The following SMARCA4 variants were observed in gnomAD, a reference collection of about 807,000 sequenced individuals.
SMARCA4 encodes the protein SWI/SNF related BAF chromatin remodeling complex subunit ATPase 4.
Under a neutral mutation model 193.9 loss-of-function variants are expected in SMARCA4, and 31 were observed. The observed-to-expected ratio is 0.16, with a 90% CI of 0.12 to 0.22. The LOEUF is 0.22. Ranked by LOEUF, SMARCA4 falls within the 10% of genes least tolerant of loss-of-function variation. The pLI, the probability that SMARCA4 is intolerant of heterozygous loss-of-function variation, is 1.00. For synonymous variants in SMARCA4, 942 were observed against 933.1 expected (o/e 1.01, Z -0.17); for missense variants, 1,148 against 2,296.0 (o/e 0.50, Z 10.22).
intron 6 of SMARCA4, among the ~76,000 whole-genome samples, 171 bp from the exon 7 acceptor site, chr19:10,989,146 C>T (rs941883862): frequency 9.2e-5 from 14 of 152,242 alleles, no homozygotes; most frequent in East Asian, 1.9e-4. Flanking sequence ...AGGAGTGCCC[C>T]GGGCTATCTC....
At chr19:11,036,849 A>G (rs1312952440) in intron 29 of SMARCA4, among the ~76,000 whole-genome samples, 2 of 152,134 alleles carry the variant, frequency 1.3e-5, no homozygotes, top group African/African-American at 4.8e-5. Flanking sequence ...TTCTGTCCAT[A>G]TAGTTTTACC....
At chr19:11,055,550 G>T (rs1274134675) in intron 30 of SMARCA4, among the ~76,000 whole-genome samples, 2 of 151,952 alleles carry the variant, frequency 1.3e-5, no homozygotes, top group African/African-American at 2.4e-5. Flanking sequence ...GGTGGCTGTT[G>T]GGGTGGTGGG....
At position 11,034,867 on chromosome 19, in the gene SMARCA4, T is replaced by C. The variant is rs750982359; in HGVS notation, c.3952-47T>C. On this transcript the variant is annotated intron_variant, in intron 28 of 34. Coordinates refer to ENST00000344626, the MANE Select transcript of SMARCA4 (RefSeq NM_003072.5). The surrounding 1 kb of genome is among the most constrained non-coding windows in gnomAD (Gnocchi z 7.0). ...CGGTGTTCTGGCTCTAGCGTGCCCC[T>C]GGTGCCTGCATGCTGATGCCTCTCC... 2 of 1,303,524 alleles carry C rather than the reference T, an allele frequency of 1.5e-6. No homozygotes were observed. The highest frequency in any genetic ancestry group is 2.2e-6 in the Non-Finnish European group (2 of 928,502). The allele number at this position is 1,303,524 out of a possible 1,614,324, so 80.7% of individuals were successfully genotyped here.
At chr19:11,025,694 G>A (rs2090202916) in intron 22 of SMARCA4, 186 bp downstream of exon 22, 2 of 617,022 alleles carry the variant, frequency 3.2e-6, no homozygotes, top group East Asian at 6.0e-5. Flanking sequence ...AGCAGTTAGG[G>A]CGCAACGTGC....
rs1765597416 is a variant in SMARCA4, at chr19:11,013,025, G to A, written c.2351G>A (p.Gly784Glu). The change falls in exon 16 of 35, where the codon GGG becomes GAG. Residue 784 changes from glycine to glutamate, a missense_variant. This residue lies in a region of SMARCA4 where 2 missense variants were observed against 44.6 expected (regional missense o/e 0.04). Coordinates refer to ENST00000344626, the MANE Select transcript of SMARCA4 (RefSeq NM_003072.5). ...NGILADEMGL[G>E]KTIQTIALIT... is the part of the protein sequence containing the mutation. ...ATCCTGGCCGACGAGATGGGCCTGG[G>A]GAAGACCATCCAGACCATCGCGCTC... 6.2e-7 allele frequency: 1 copy of A among 1,613,806 alleles called. No individual in the cohort carries two copies. The highest frequency in any genetic ancestry group is 1.7e-5 in the Admixed American group (1 of 60,004).
chr19:11,028,965 G>A (rs759151022), intron 24 of SMARCA4, among the ~76,000 whole-genome samples: 4 of 152,170 alleles, frequency 2.6e-5, no homozygotes, highest in Non-Finnish European at 5.9e-5. Context: ...CCCTTGTCCC[G>A]TTGATCACTT....
intron 20 of SMARCA4, 27 bp downstream of exon 20, chr19:11,023,658 A>C (rs758712688): frequency 7.0e-7 from 1 of 1,431,358 alleles, no homozygotes; most frequent in Non-Finnish European, 9.8e-7. Flanking sequence ...GGGAGCCACC[A>C]GTGAAGCAGC....
intron 34 of SMARCA4, 157 bp downstream of exon 34, chr19:11,060,344 C>G: frequency 1.1e-6 from 1 of 917,244 alleles, no homozygotes; most frequent in Non-Finnish European, 1.7e-6. Context: ...GGTCACACAG[C>G]CAGTATGTGG....
At chr19:11,007,842 G>A (rs1418453111) in intron 13 of SMARCA4, 60 bp from the exon 14 acceptor site, 1 of 1,599,468 alleles carries the variant, frequency 6.3e-7, no homozygotes, top group Non-Finnish European at 8.5e-7. Context: ...CTCCCCATGG[G>A]AGTCCCGTCC....
rs544626896 is a variant in SMARCA4, at chr19:11,043,983, A to C, written c.4424+2423A>C. 2.9e-3 allele frequency among the ~76,000 whole-genome samples: 442 copies of C among 152,322 alleles called. 2 individuals carry two copies. Among genetic ancestry groups the C allele is most frequent in the African/African-American group, 0.01 (431 of 41,586 alleles). On this transcript the variant is annotated intron_variant, in intron 30 of 34. Transcript: ENST00000344626. Reference sequence around the variant, plus strand: ...AGAGTGAGACAATACCTGAAAAACAAAAAACAAAAACAAAAAAAGGGAATT... The same window carrying C: ...AGAGTGAGACAATACCTGAAAAACACAAAACAAAAACAAAAAAAGGGAATT...
rs1032263675 is a variant in SMARCA4 at position 11,058,715 on chromosome 19, C to T, written c.4534-73C>T. The T allele has an allele frequency of 1.4e-5, 18 of 1,316,574 alleles. No homozygotes were observed. The South Asian group carries it at 1.9e-4, about 14-fold the overall frequency. 81.6% of individuals were successfully genotyped at this position (1,316,574 alleles called of 1,614,324 possible). ...GAGGAATCCTAGCCCGTGGGGTCTC[C>T]AGCACACAGCCAGGCCTGCGGGCAG... On this transcript the variant is annotated intron_variant, in intron 31 of 34. Transcript: ENST00000344626. The surrounding 1 kb of genome is among the most constrained non-coding windows in gnomAD (Gnocchi z 5.8).
rs2089653522 is a variant in SMARCA4, at chr19:11,019,358, C to T, written c.2506-233C>T. On this transcript the variant is annotated intron_variant, in intron 17 of 34. Coordinates refer to ENST00000344626, the MANE Select transcript of SMARCA4 (RefSeq NM_003072.5). This position sits in a 1 kb window ranked among gnomAD's most constrained non-coding sequence, Gnocchi z 6.1. Reference sequence around the variant, plus strand: ...GGCGGTGCAGGCTGCGTGGTTCCCTCAGGCCCCGGCCGCCGCTGGCCTGCA... The same window carrying T: ...GGCGGTGCAGGCTGCGTGGTTCCCTTAGGCCCCGGCCGCCGCTGGCCTGCA... The T allele has an allele frequency of 3.3e-6, 2 of 606,926 alleles. No individual in the cohort carries two copies. The highest frequency in any genetic ancestry group is 5.9e-6 in the Non-Finnish European group (2 of 340,056). The allele number at this position is 606,926 out of a possible 1,614,324, so 37.6% of individuals were successfully genotyped here.
intron 16 of SMARCA4, among the ~76,000 whole-genome samples, chr19:11,017,136 C>T (rs540966826): frequency 6.6e-6 from 1 of 152,318 alleles, no homozygotes; most frequent in East Asian, 1.9e-4. Context: ...GAGTTCATAC[C>T]ACTGTCTGCG....
chr19:10,974,297 C>T (rs2084922487), intron 1 of SMARCA4, among the ~76,000 whole-genome samples: 2 of 152,052 alleles, frequency 1.3e-5, no homozygotes, highest in African/African-American at 4.8e-5. Context: ...ATTTGAACGT[C>T]AACAGATGTT....
chr19:11,006,204 T>C lies in SMARCA4; in HGVS notation c.2002-1698T>C, dbSNP rs974579084. ...CTGTGTTGTATTTGTAGGATTTAAA[T>C]GGCAATACAAGAATAGTTTAAGATA... On this transcript the variant is annotated intron_variant, in intron 13 of 34. Coordinates refer to ENST00000344626, the MANE Select transcript of SMARCA4 (RefSeq NM_003072.5). Among the ~76,000 whole-genome samples the C allele has an allele frequency of 2.6e-5, 4 of 152,268 alleles. No individual in the cohort carries two copies. In the East Asian group the frequency reaches 7.7e-4, roughly 29 times the overall value.
chr19:11,022,006 G>A (rs2146426185), intron 19 of SMARCA4, 39 bp downstream of exon 19: 1 of 1,611,076 alleles, frequency 6.2e-7, no homozygotes, highest in Non-Finnish European at 8.5e-7. Context: ...ACGGTTCCAG[G>A]TGCGGCTGGC....
chr19:10,961,880 C>T (rs1396011279), intron 1 of SMARCA4, among the ~76,000 whole-genome samples: 3 of 151,966 alleles, frequency 2.0e-5, no homozygotes, highest in Non-Finnish European at 4.4e-5. Flanking sequence ...CTTTTTTCTC[C>T]TTCCCAATTG....
chr19:11,017,546 C>G (rs1406325976), intron 16 of SMARCA4, among the ~76,000 whole-genome samples: 4 of 152,264 alleles, frequency 2.6e-5, no homozygotes, highest in African/African-American at 7.2e-5. Flanking sequence ...GAATTGCTGC[C>G]TCCTGCCATG....
At chr19:10,966,304 T>C (rs2084216567) in intron 1 of SMARCA4, among the ~76,000 whole-genome samples, 1 of 152,064 alleles carries the variant, frequency 6.6e-6, no homozygotes, top group African/African-American at 2.4e-5. Flanking sequence ...AAATATCAAA[T>C]GTTCAGCCGA....
Sources: allele counts gnomAD v4.1 joint callset (sites outside exome capture counted in the v4.1 genomes callset), GRCh38; gene constraint gnomAD v4.1.1; regional missense constraint gnomAD v4.1.1; non-coding constraint Gnocchi (gnomAD v3.1); transcripts MANE v1.5; gene names NCBI Gene and HGNC (gene_info 2026-07-23, HGNC 2026-07-21).